The following BABAM2 variants were observed in gnomAD, a reference collection of about 807,000 sequenced individuals.
BABAM2 encodes the protein BRISC and BRCA1-A complex member 2.
Under a neutral mutation model 54.7 loss-of-function variants are expected in BABAM2, and 31 were observed. That is an observed-to-expected ratio of 0.57 (90% confidence interval 0.43 to 0.77). The LOEUF is 0.77. Ranked by LOEUF, BABAM2 falls within the 30% of genes least tolerant of loss-of-function variation. The pLI is 0.00. For missense variants in BABAM2, 364 were observed against 455.8 expected (o/e 0.80, Z 1.83); for synonymous variants, 167 against 162.9 (o/e 1.03, Z -0.19).
chr2:28,012,945 G>T (rs1212614383), intron 4 of BABAM2, among the ~76,000 whole-genome samples: 1 of 151,992 alleles, frequency 6.6e-6, no homozygotes, highest in Non-Finnish European at 1.5e-5. Context: ...ATCCATCCCC[G>T]ATTCTTAAGA....
At chr2:28,106,011 T>C (rs1333572365) in intron 6 of BABAM2, among the ~76,000 whole-genome samples, 2 of 151,948 alleles carry the variant, frequency 1.3e-5, no homozygotes, top group Non-Finnish European at 2.9e-5. Flanking sequence ...AAATTTATAA[T>C]AGAAATGTAA....
intron 6 of BABAM2, among the ~76,000 whole-genome samples, chr2:28,056,217 T>C (rs938334640): frequency 6.6e-6 from 1 of 152,008 alleles, no homozygotes; most frequent in African/African-American, 2.4e-5. Context: ...GGTTATAGAA[T>C]TGTACCATAT....
At chr2:28,122,321 A>T (rs905586183) in intron 6 of BABAM2, among the ~76,000 whole-genome samples, 4 of 151,974 alleles carry the variant, frequency 2.6e-5, no homozygotes, top group African/African-American at 4.8e-5. Flanking sequence ...AATGGTGCTT[A>T]CTTAGGTGGG....
At chr2:28,025,501 A>C (rs1675588037) in intron 5 of BABAM2, 81 bp downstream of exon 5, 1 of 1,330,302 alleles carries the variant, frequency 7.5e-7, no homozygotes, top group East Asian at 2.6e-5. Flanking sequence ...TGTAAATCCT[A>C]GTCATTTCTT....
intron 9 of BABAM2, among the ~76,000 whole-genome samples, chr2:28,243,636 G>A (rs1682651161): frequency 6.6e-6 from 1 of 152,134 alleles, no homozygotes; most frequent in South Asian, 2.1e-4. Context: ...GAACCTAGGA[G>A]GCAGAGGTTG....
intron 6 of BABAM2, among the ~76,000 whole-genome samples, chr2:28,087,647 A>G (rs1665776543): frequency 6.6e-6 from 1 of 151,568 alleles, no homozygotes; most frequent in African/African-American, 2.4e-5. Context: ...GGCTTCCTCA[A>G]TATGAGGTGT....
intron 6 of BABAM2, among the ~76,000 whole-genome samples, chr2:28,083,138 A>G (rs141294398): frequency 1.1e-3 from 170 of 152,098 alleles, no homozygotes; most frequent in African/African-American, 3.8e-3. Flanking sequence ...CTTGTACTTC[A>G]TCATCACTGC....
chr2:28,146,131 T>C (rs138437550), intron 7 of BABAM2, among the ~76,000 whole-genome samples: 1 of 152,364 alleles, frequency 6.6e-6, no homozygotes, highest in Admixed American at 6.5e-5. Flanking sequence ...TTAAGTTGCT[T>C]TATTTTTCTT....
chr2:28,075,704 G>A (rs1036561608), intron 6 of BABAM2, among the ~76,000 whole-genome samples: 2 of 152,116 alleles, frequency 1.3e-5, no homozygotes, highest in Non-Finnish European at 2.9e-5. Context: ...CTTAAATGCA[G>A]TATGCAGTAT....
chr2:27,921,556 G>A (rs1362185499), intron 2 of BABAM2, among the ~76,000 whole-genome samples: 2 of 152,020 alleles, frequency 1.3e-5, no homozygotes, highest in South Asian at 4.1e-4. Flanking sequence ...CCTGGGTTTG[G>A]ATCCCAGCTC....
At chr2:28,303,948 T>C (rs1044491467) in intron 11 of BABAM2, among the ~76,000 whole-genome samples, 3 of 152,190 alleles carry the variant, frequency 2.0e-5, no homozygotes, top group African/African-American at 7.2e-5. Flanking sequence ...TGGCGCAATC[T>C]TGGCTTACTG....
intron 9 of BABAM2, among the ~76,000 whole-genome samples, chr2:28,243,615 G>A (rs1007814513): frequency 5.3e-5 from 8 of 152,144 alleles, no homozygotes; most frequent in African/African-American, 1.9e-4. Context: ...GCTGAGGCAG[G>A]AGAATTGCCT....
intron 5 of BABAM2, among the ~76,000 whole-genome samples, chr2:28,028,910 G>A (rs1252956695): frequency 6.6e-6 from 1 of 152,064 alleles, no homozygotes; most frequent in East Asian, 1.9e-4. Flanking sequence ...GGGACTACAA[G>A]TGCATGCCAC....
intron 6 of BABAM2, among the ~76,000 whole-genome samples, chr2:28,118,688 G>A (rs1359707248): frequency 1.3e-5 from 2 of 152,002 alleles, no homozygotes; most frequent in African/African-American, 2.4e-5. Flanking sequence ...TCACTCCAAC[G>A]ATACTTTCTT....
At chr2:27,981,757 C>T (rs1167657464) in intron 3 of BABAM2, among the ~76,000 whole-genome samples, 1 of 152,128 alleles carries the variant, frequency 6.6e-6, no homozygotes, top group African/African-American at 2.4e-5. Context: ...ATTCATTCAT[C>T]AGTTGACGGA....
chr2:28,099,073 A>C (rs1666853613), intron 6 of BABAM2, among the ~76,000 whole-genome samples: 1 of 152,116 alleles, frequency 6.6e-6, no homozygotes, highest in African/African-American at 2.4e-5. Flanking sequence ...TAATACACTG[A>C]TCTTAGGGGT....
At chr2:27,960,433 T>G (rs537051079) in intron 3 of BABAM2, among the ~76,000 whole-genome samples, 6 of 152,098 alleles carry the variant, frequency 3.9e-5, no homozygotes, top group Admixed American at 3.9e-4. Flanking sequence ...GAACTCAGAA[T>G]TCAAAGAAAG....
intron 7 of BABAM2, among the ~76,000 whole-genome samples, chr2:28,204,343 G>A (rs1279323878): frequency 6.6e-6 from 1 of 152,158 alleles, no homozygotes; most frequent in Non-Finnish European, 1.5e-5. Context: ...ATGAAAATGT[G>A]ATGTTTAGGC....
intron 6 of BABAM2, among the ~76,000 whole-genome samples, chr2:28,049,616 G>A (rs538744593): frequency 2.0e-5 from 3 of 152,300 alleles, no homozygotes; most frequent in Non-Finnish European, 2.9e-5. Context: ...GTGTGAAAAA[G>A]CTAAAATAGG....
Sources: allele counts gnomAD v4.1 joint callset (sites outside exome capture counted in the v4.1 genomes callset), GRCh38; gene constraint gnomAD v4.1.1; transcripts MANE v1.5; gene names NCBI Gene and HGNC (gene_info 2026-07-23, HGNC 2026-07-21).